The following AGBL4 variants were observed in gnomAD, a reference collection of about 807,000 sequenced individuals.
The protein encoded by AGBL4 is cytosolic carboxypeptidase 6.
A neutral mutation model predicts 66.4 loss-of-function variants in AGBL4; 58 were observed. That is an observed-to-expected ratio of 0.87 (90% CI 0.71 to 1.09). The LOEUF (loss-of-function observed/expected upper bound fraction) is 1.09, where lower values mean the gene tolerates loss of function less well. Ranked by LOEUF, AGBL4 falls within the 50% of genes least tolerant of loss-of-function variation. AGBL4 has a pLI of 0.00. For synonymous variants in AGBL4, 234 were observed against 222.9 expected, an observed-to-expected ratio of 1.05 and a Z score of -0.44; for missense variants, 579 against 631.0, an observed-to-expected ratio of 0.92 and a Z score of 0.88.
At chr1:49,334,054 G>T (rs1157574682) in intron 3 of AGBL4, among the ~76,000 whole-genome samples, 1 of 152,174 alleles carries the variant, frequency 6.6e-6, no homozygotes, top group African/African-American at 2.4e-5. Flanking sequence ...TCTGTTGCTT[G>T]TGTAGCCATG....
intron 9 of AGBL4, among the ~76,000 whole-genome samples, chr1:48,617,556 C>A (rs1645339617): frequency 6.6e-6 from 1 of 152,218 alleles, no homozygotes; most frequent in Non-Finnish European, 1.5e-5. Flanking sequence ...AGACCCGCCT[C>A]CTTCCTGCTA....
chr1:48,696,199 G>T lies in AGBL4; in HGVS notation c.635-32958C>A, dbSNP rs1646711909. 2.0e-5 allele frequency among the ~76,000 whole-genome samples: 3 copies of T among 152,240 alleles called. No homozygotes were observed. In the South Asian group the frequency reaches 6.2e-4, roughly 32 times the overall value. On this transcript the variant is annotated intron_variant, in intron 6 of 13. Coordinates refer to ENST00000371839, the MANE Select transcript of AGBL4 (RefSeq NM_032785.4). ...AGCCAGCTGCCAGGTGCCCAGCTAG[G>T]GTCTGTGGGGGATGCACACACATCT...
At chr1:49,859,819 C>G (rs936932078) in intron 1 of AGBL4, among the ~76,000 whole-genome samples, 1 of 151,912 alleles carries the variant, frequency 6.6e-6, no homozygotes, top group South Asian at 2.1e-4. Flanking sequence ...TCATACACAA[C>G]AGAATTGTCT....
At chr1:49,705,675 G>T (rs981896866) in intron 2 of AGBL4, among the ~76,000 whole-genome samples, 1 of 151,936 alleles carries the variant, frequency 6.6e-6, no homozygotes, top group African/African-American at 2.4e-5. Flanking sequence ...TTGGCTGTGG[G>T]TTTGTCATAA....
intron 4 of AGBL4, among the ~76,000 whole-genome samples, chr1:49,125,308 C>A (rs1489337619): frequency 6.6e-6 from 1 of 151,656 alleles, no homozygotes; most frequent in Non-Finnish European, 1.5e-5. Flanking sequence ...TCATAATAAC[C>A]CTGAGATGTA....
At chr1:49,944,959 A>C (rs1237721704) in intron 1 of AGBL4, among the ~76,000 whole-genome samples, 1 of 151,968 alleles carries the variant, frequency 6.6e-6, no homozygotes, top group Admixed American at 6.6e-5. Flanking sequence ...AAGCAGAAGA[A>C]AGAACTTCAG....
intron 1 of AGBL4, among the ~76,000 whole-genome samples, chr1:49,859,516 T>C (rs2148079576): frequency 6.6e-6 from 1 of 152,234 alleles, no homozygotes; most frequent in East Asian, 1.9e-4. Context: ...AAAAAAAGCA[T>C]TTGACAAAAT....
chr1:49,426,808 T>C (rs1645670252), intron 3 of AGBL4, among the ~76,000 whole-genome samples: 1 of 152,160 alleles, frequency 6.6e-6, no homozygotes, highest in South Asian at 2.1e-4. Context: ...CTTTCCTGTG[T>C]CCTAGACTAT....
intron 4 of AGBL4, among the ~76,000 whole-genome samples, chr1:49,077,414 T>C (rs1644731661): frequency 6.6e-6 from 1 of 152,150 alleles, no homozygotes; most frequent in Admixed American, 6.5e-5. Context: ...TCATTTGAAA[T>C]CCAATTCCAC....
chr1:48,872,861 C>T lies in AGBL4; in HGVS notation c.595-5631G>A, dbSNP rs72891870. ...AACCCCCAGGGGCCTAACAGGAAGG[C>T]GAAGCAAAGAGAAAAAGGAAGAATC... On this transcript the variant is annotated intron_variant, in intron 5 of 13. Transcript: ENST00000371839. Among the ~76,000 whole-genome samples the T allele has an allele frequency of 2.7e-3, 404 of 152,138 alleles. 1 individual carries two copies. Among genetic ancestry groups the T allele is most frequent in the African/African-American group, 8.6e-3 (357 of 41,494 alleles).
At chr1:49,524,830 C>T (rs144864905) in intron 3 of AGBL4, among the ~76,000 whole-genome samples, 7 of 152,098 alleles carry the variant, frequency 4.6e-5, no homozygotes, top group Admixed American at 2.0e-4. Context: ...GATATCACTC[C>T]TACTAATGCG....
intron 2 of AGBL4, among the ~76,000 whole-genome samples, chr1:49,727,220 T>C (rs907787388): frequency 3.3e-5 from 5 of 152,134 alleles, no homozygotes; most frequent in African/African-American, 4.8e-5. Flanking sequence ...GAAAACAATG[T>C]ATGAAGTAAA....
chr1:49,772,073 T>C (rs1644077099), intron 2 of AGBL4, among the ~76,000 whole-genome samples: 1 of 152,134 alleles, frequency 6.6e-6, no homozygotes. Flanking sequence ...TCTAGTTATT[T>C]ACTTTTGTGG....
intron 3 of AGBL4, among the ~76,000 whole-genome samples, chr1:49,652,603 T>G (rs950760905): frequency 1.3e-5 from 2 of 152,096 alleles, no homozygotes; most frequent in Non-Finnish European, 2.9e-5. Context: ...TGGGTAGGGA[T>G]GGCCACCATC....
At chr1:49,877,986 C>T (rs1160822397) in intron 1 of AGBL4, among the ~76,000 whole-genome samples, 1 of 152,060 alleles carries the variant, frequency 6.6e-6, no homozygotes, top group Middle Eastern at 3.2e-3. Context: ...GTTTGTATTT[C>T]TATGGGATCG....
intron 4 of AGBL4, among the ~76,000 whole-genome samples, chr1:49,096,688 A>G (rs1449372048): frequency 2.1e-5 from 2 of 94,920 alleles, no homozygotes; most frequent in African/African-American, 8.5e-5. Context: ...GGGGCCTGTT[A>G]TGGGGTGGGG....
intron 3 of AGBL4, among the ~76,000 whole-genome samples, chr1:49,578,567 C>T (rs190210197): frequency 2.0e-5 from 3 of 152,284 alleles, no homozygotes; most frequent in South Asian, 2.1e-4. Flanking sequence ...TGTTTGTGCA[C>T]GTATGCACTT....
At chr1:48,826,846 T>C (rs1191033171) in intron 6 of AGBL4, among the ~76,000 whole-genome samples, 10 of 152,126 alleles carry the variant, frequency 6.6e-5, no homozygotes. Context: ...CCAATGTCCT[T>C]CCCACCCTCA....
intron 5 of AGBL4, among the ~76,000 whole-genome samples, chr1:48,995,008 T>A (rs904596902): frequency 6.6e-6 from 1 of 152,096 alleles, no homozygotes; most frequent in African/African-American, 2.4e-5. Flanking sequence ...AAAAGACAAA[T>A]CACGAAATTT....
Sources: allele counts gnomAD v4.1 joint callset (sites outside exome capture counted in the v4.1 genomes callset), GRCh38; gene constraint gnomAD v4.1.1; transcripts MANE v1.5; gene names NCBI Gene and HGNC (gene_info 2026-07-23, HGNC 2026-07-21).